Variants in PDE6B observed in about 807,000 individuals in gnomAD.
PDE6B encodes rod cGMP-specific 3',5'-cyclic phosphodiesterase subunit beta.
A neutral mutation model predicts 109.0 loss-of-function variants in PDE6B; 106 were observed. The ratio of observed to expected loss-of-function variants is 0.97; its 90% confidence interval spans 0.83 to 1.14. PDE6B has a LOEUF of 1.14. PDE6B is among the 50% of genes most tolerant of loss of function. PDE6B has a pLI of 0.00. For missense variants in PDE6B, 1,193 were observed against 1,155.6 expected, an observed-to-expected ratio of 1.03 and a Z score of -0.47; for synonymous variants, 490 against 471.3, an observed-to-expected ratio of 1.04 and a Z score of -0.51.
intron 3 of PDE6B, among the ~76,000 whole-genome samples, chr4:649,650 T>C (rs993904219): frequency 6.0e-5 from 9 of 149,202 alleles, no homozygotes; most frequent in African/African-American, 1.8e-4. Flanking sequence ...CACAGAGGCC[T>C]GGGAAGACTG....
rs117931046 is a variant in PDE6B, at chr4:628,083, C to T, written c.468+1989C>T. ...CCAAGGGGCTGGGCATGGTGTCTGT[C>T]CCTCCATTCTGTGGAGTCTTAGTTA... On this transcript the variant is annotated intron_variant, in intron 1 of 21. Coordinates refer to ENST00000496514, the MANE Select transcript of PDE6B (RefSeq NM_000283.4). Among the ~76,000 whole-genome samples, 103 of 152,288 alleles carry T rather than the reference C, an allele frequency of 6.8e-4. No homozygotes were observed. In the East Asian group the frequency reaches 0.02, roughly 29 times the overall value.
chr4:650,513 C>T (rs1382363178), intron 3 of PDE6B, among the ~76,000 whole-genome samples: 1 of 152,220 alleles, frequency 6.6e-6, no homozygotes, highest in Non-Finnish European at 1.5e-5. Flanking sequence ...GCCAGGGACA[C>T]CTGCGTGGGC....
At chr4:632,642 G>T (rs1170331270) in intron 1 of PDE6B, among the ~76,000 whole-genome samples, 4 of 151,564 alleles carry the variant, frequency 2.6e-5, no homozygotes, top group South Asian at 4.2e-4. Context: ...ATCACCTGTG[G>T]ATCTGCGTGG....
intron 1 of PDE6B, among the ~76,000 whole-genome samples, chr4:628,434 A>AC (rs891857101): frequency 1.2e-4 from 18 of 151,630 alleles, no homozygotes; most frequent in Admixed American, 1.2e-3. Context: ...CCGGAGTCTC[A>AC]CCCTCCTGCC....
At chr4:657,273 A>T in intron 9 of PDE6B, 78 bp from the exon 10 acceptor site, 1 of 1,549,036 alleles carries the variant, frequency 6.5e-7, no homozygotes, top group East Asian at 2.3e-5. Flanking sequence ...CCGCCGAGCC[A>T]CGGGGCCTGG....
intron 3 of PDE6B, among the ~76,000 whole-genome samples, chr4:637,615 G>T (rs1443645656): frequency 6.6e-6 from 1 of 152,212 alleles, no homozygotes; most frequent in African/African-American, 2.4e-5. Context: ...GGTTCCTTCT[G>T]TTGGAAAGCA....
At position 635,940 on chromosome 4, in the gene PDE6B, C is replaced by G. The variant is rs201584824; in HGVS notation, c.682C>G (p.Leu228Val). ...LYLKIYHLSYLHNCETRRGQV... is the reference protein window; with the variant it reads ...LYLKIYHLSYVHNCETRRGQV... ...CCTGAAGATCTATCACCTGAGCTACCTCCACAACTGCGAGACGCGCCGCGG... is the reference window on the plus strand; with the variant it reads ...CCTGAAGATCTATCACCTGAGCTACGTCCACAACTGCGAGACGCGCCGCGG... Residue 228 changes from leucine (L) to valine (V), a missense_variant, in exon 3 of 22, where the codon CTC (leucine) becomes GTC (valine). Transcript: ENST00000496514. 3.7e-6 allele frequency: 6 copies of G among 1,609,322 alleles called. No homozygotes were observed. In the African/African-American group the frequency reaches 8.0e-5, roughly 22 times the overall value.
In PDE6B at chr4:665,881, T is replaced by C. The variant is rs1183265877; in HGVS notation, c.2268+552T>C. 6.6e-6 allele frequency among the ~76,000 whole-genome samples: 1 copy of C among 151,652 alleles called. No homozygotes were observed. Among genetic ancestry groups the C allele is most frequent in the Non-Finnish European group, 1.5e-5 (1 of 67,900 alleles). On this transcript the variant is annotated intron_variant, in intron 19 of 21. Coordinates refer to ENST00000496514, the MANE Select transcript of PDE6B (RefSeq NM_000283.4). The surrounding 1 kb of genome is among the most constrained non-coding windows in gnomAD (Gnocchi z 4.0). ...GAGCTGTGGTTTCTCACACACCCGC[T>C]CTGGTGGGCGGCGAGGGGCTCTCTG...
Position 665,346 on chromosome 4 carries a change from G to C in PDE6B, c.2268+17G>C. On this transcript the variant is annotated intron_variant, in intron 19 of 21. Coordinates refer to ENST00000496514, the MANE Select transcript of PDE6B (RefSeq NM_000283.4). This position sits in a 1 kb window ranked among gnomAD's most constrained non-coding sequence, Gnocchi z 4.0. ...CAGCCCATTGTGAGTGCTGCTTCTG[G>C]AACCTTCCACTCCTGAAACGGGTGT... 1 of 1,578,500 alleles carries C rather than the reference G, an allele frequency of 6.3e-7. No individual in the cohort carries two copies. The highest frequency in any genetic ancestry group is 2.2e-5 in the East Asian group (1 of 44,694).
chr4:654,801 G>C (rs756550550), intron 5 of PDE6B, 23 bp from the exon 6 acceptor site: 1 of 1,356,770 alleles, frequency 7.4e-7, no homozygotes, highest in Non-Finnish European at 1.1e-6. Context: ...GCAGCCCCCC[G>C]ACCAGTGTCT....
At position 666,349 on chromosome 4, in the gene PDE6B, G is replaced by T. The variant is rs564249603; in HGVS notation, c.2269-182G>T. Among the ~76,000 whole-genome samples the T allele has an allele frequency of 2.0e-5, 3 of 152,282 alleles. No individual in the cohort carries two copies. The highest frequency in any genetic ancestry group is 2.0e-4 in the Admixed American group (3 of 15,298). On this transcript the variant is annotated intron_variant, in intron 19 of 21. Transcript: ENST00000496514. The surrounding 1 kb of genome is among the most constrained non-coding windows in gnomAD (Gnocchi z 5.6). ...GCTGCCCACAGTTCCTAGGAGCTGT[G>T]GAGCCGCTGGCCAAGGGAGAGGGTG...
At chr4:630,819 G>A (rs1734348888) in intron 1 of PDE6B, among the ~76,000 whole-genome samples, 1 of 152,222 alleles carries the variant, frequency 6.6e-6, no homozygotes, top group Admixed American at 6.5e-5. Flanking sequence ...GACACAAAGA[G>A]GCTGCAGTCA....
At chr4:641,549 G>A (rs1457655326) in intron 3 of PDE6B, among the ~76,000 whole-genome samples, 18 of 152,232 alleles carry the variant, frequency 1.2e-4, no homozygotes, top group Admixed American at 8.5e-4. Flanking sequence ...TGGGCTGTGC[G>A]GCAGGGGCAG....
intron 16 of PDE6B, 101 bp from the exon 17 acceptor site, chr4:664,013 A>G: frequency 5.3e-6 from 6 of 1,141,662 alleles, no homozygotes; most frequent in Non-Finnish European, 8.0e-6. Context: ...CGCACCCCGG[A>G]TGGGGCCTCG....
chr4:666,034 C>G lies in PDE6B; in HGVS notation c.2269-497C>G, dbSNP rs2109274883. On this transcript the variant is annotated intron_variant, in intron 19 of 21. Transcript: ENST00000496514. This position sits in a 1 kb window ranked among gnomAD's most constrained non-coding sequence, Gnocchi z 5.6. The stretch of plus-strand genomic sequence containing the variant: ...ATCCCCCGCGCCCGGCCTCTAGAGT[C>G]CTGCATGGTTCACCCTCCACCAGGA... Among the ~76,000 whole-genome samples, 1 of 152,216 alleles carries G rather than the reference C, an allele frequency of 6.6e-6. No homozygotes were observed. Among genetic ancestry groups the G allele is most frequent in the East Asian group, 1.9e-4 (1 of 5,178 alleles).
rs1734471159 is a variant in PDE6B at position 633,108 on chromosome 4, A to G, written c.469-1569A>G. Among the ~76,000 whole-genome samples the G allele has an allele frequency of 6.6e-6, 1 of 152,152 alleles. No individual in the cohort carries two copies. The highest frequency in any genetic ancestry group is 2.4e-5 in the African/African-American group (1 of 41,446). On this transcript the variant is annotated intron_variant, in intron 1 of 21. Transcript: ENST00000496514. This position sits in a 1 kb window ranked among gnomAD's most constrained non-coding sequence, Gnocchi z 4.5. ...AGGCACAACAGGCACCACGACAAGCAGGCAGGAGTGTGCTGTGCTTGGCCT... is the reference window on the plus strand; with the variant it reads ...AGGCACAACAGGCACCACGACAAGCGGGCAGGAGTGTGCTGTGCTTGGCCT...
chr4:640,354 G>T (rs1296652081), intron 3 of PDE6B, among the ~76,000 whole-genome samples: 2 of 152,056 alleles, frequency 1.3e-5, no homozygotes, highest in African/African-American at 4.8e-5. Flanking sequence ...TGGCCAAGAT[G>T]GTGAAACCCC....
rs1215671478 is a variant in PDE6B, at chr4:626,741, G to A, written c.468+647G>A. Among the ~76,000 whole-genome samples the A allele has an allele frequency of 6.6e-6, 1 of 152,242 alleles. No homozygotes were observed. The highest frequency in any genetic ancestry group is 1.5e-5 in the Non-Finnish European group (1 of 68,042). Reference sequence around the variant, plus strand: ...CAGGCTCACTGGAGTCACTGAAGGAGGGAAGGGCAGGGCCTGTTCATGCAA... The same window carrying A: ...CAGGCTCACTGGAGTCACTGAAGGAAGGAAGGGCAGGGCCTGTTCATGCAA... On this transcript the variant is annotated intron_variant, in intron 1 of 21. Transcript: ENST00000496514. This position sits in a 1 kb window ranked among gnomAD's most constrained non-coding sequence, Gnocchi z 4.6.
At chr4:669,518 A>C (rs1738240130) in intron 21 of PDE6B, among the ~76,000 whole-genome samples, 2 of 97,646 alleles carry the variant, frequency 2.0e-5, no homozygotes, top group African/African-American at 1.0e-4. Context: ...CCACTACCCC[A>C]TGCTATTCCC....
Sources: gnomAD v4.1 joint callset for allele counts (sites outside exome capture counted in the v4.1 genomes callset) on GRCh38, gnomAD v4.1.1 for gene constraint, Gnocchi (gnomAD v3.1) non-coding constraint, MANE v1.5 for transcripts, NCBI Gene and HGNC (gene_info 2026-07-23, HGNC 2026-07-21) for gene names.